CHD9: variants seen among roughly 807,000 people sequenced by gnomAD.
CHD9 encodes chromodomain helicase DNA binding protein 9.
CHD9 carries 77 observed loss-of-function variants against 316.1 expected under a neutral mutation model. The ratio of observed to expected loss-of-function variants is 0.24; its 90% CI spans 0.20 to 0.29. CHD9 has a LOEUF of 0.29. Among genes scored for constraint, CHD9 ranks in the 10% least tolerant of loss-of-function variants. The pLI, the probability that CHD9 is intolerant of heterozygous loss-of-function variation, is 1.00. For missense variants in CHD9, 2,763 were observed against 3,438.1 expected (o/e 0.80, Z 4.91); for synonymous variants, 1,129 against 1,158.3 (o/e 0.97, Z 0.51).
intron 27 of CHD9, among the ~76,000 whole-genome samples, chr16:53,289,001 G>C (rs8053033): frequency 0.31 from 47,565 of 151,212 alleles, 7,656 homozygotes; most frequent in Middle Eastern, 0.39. Context: ...ATGAAGCCCT[G>C]CATAAAATGA....
intron 25 of CHD9, 83 bp from the exon 26 acceptor site, chr16:53,286,143 C>T: frequency 7.7e-6 from 5 of 645,886 alleles, no homozygotes; most frequent in Non-Finnish European, 1.3e-5. Flanking sequence ...AAATATCATC[C>T]ACTGTAAATA....
rs560747778 is a variant in CHD9, at chr16:53,235,279, A to G, written c.2606A>G (p.Asn869Ser). The G allele has an allele frequency of 1.9e-6, 3 of 1,548,672 alleles. No individual in the cohort carries two copies. Among genetic ancestry groups the G allele is most frequent in the South Asian group, 1.2e-5 (1 of 84,036 alleles). ...QLREYQLEGL[N>S]WLLFNWYNRR... Reference sequence around the variant, plus strand: ...AGGGAATATCAACTGGAAGGACTCAACTGGCTCTTGTTCAATTGGTACAAT... The same window carrying G: ...AGGGAATATCAACTGGAAGGACTCAGCTGGCTCTTGTTCAATTGGTACAAT... The change falls in exon 11 of 39, where the codon AAC becomes AGC. Residue 869 changes from asparagine to serine, a missense_variant. By Grantham distance (46) the Asn-to-Ser change is conservative (BLOSUM62 1). Around this residue, in one of 15 missense-constraint regions of CHD9, gnomAD observed 186 missense variants for 245.0 expected, o/e 0.76. Transcript: ENST00000447540.
chr16:53,102,064 A>G (rs1171832824), intron 1 of CHD9, among the ~76,000 whole-genome samples: 1 of 152,190 alleles, frequency 6.6e-6, no homozygotes, highest in Non-Finnish European at 1.5e-5. Context: ...AGGGCTATTA[A>G]GTTTCCAGAA....
intron 3 of CHD9, among the ~76,000 whole-genome samples, chr16:53,213,591 A>G (rs540868942): frequency 6.6e-6 from 1 of 152,364 alleles, no homozygotes; most frequent in East Asian, 1.9e-4. Context: ...CTAATAGTTT[A>G]GTAATATTAG....
intron 2 of CHD9, among the ~76,000 whole-genome samples, chr16:53,204,547 T>C (rs2152857753): frequency 6.6e-6 from 1 of 152,280 alleles, no homozygotes; most frequent in South Asian, 2.1e-4. Context: ...CTCTATTTGT[T>C]TTTTTGTTTT....
intron 20 of CHD9, among the ~76,000 whole-genome samples, chr16:53,265,609 C>T (rs945169874): frequency 9.2e-5 from 14 of 151,936 alleles, no homozygotes; most frequent in Admixed American, 3.3e-4. Flanking sequence ...TTGGGAAGAG[C>T]GTTATAATCC....
At chr16:53,187,377 G>T (rs968182249) in intron 2 of CHD9, among the ~76,000 whole-genome samples, 15 of 152,064 alleles carry the variant, frequency 9.9e-5, no homozygotes, top group Non-Finnish European at 2.1e-4. Flanking sequence ...TGGGCATGGT[G>T]ACACACACCT....
intron 9 of CHD9, 49 bp downstream of exon 9, chr16:53,231,554 T>G: frequency 7.2e-7 from 1 of 1,396,976 alleles, no homozygotes; most frequent in Middle Eastern, 1.8e-4. Flanking sequence ...TCTGAAACTT[T>G]CCAAGTATTA....
chr16:53,180,415 C>T (rs748644005), intron 2 of CHD9, among the ~76,000 whole-genome samples: 3 of 152,038 alleles, frequency 2.0e-5, no homozygotes, highest in Middle Eastern at 3.4e-3. Context: ...ACAGCAAGTT[C>T]GATGCTAAGG....
chr16:53,131,017 C>G, intron 1 of CHD9: 1 of 152,772 alleles, frequency 6.5e-6, no homozygotes, highest in Non-Finnish European at 1.5e-5. Context: ...CCTCCACTCC[C>G]TCCCTGCCCC....
intron 1 of CHD9, among the ~76,000 whole-genome samples, chr16:53,055,703 C>T (rs191980448): frequency 6.6e-6 from 1 of 152,294 alleles, no homozygotes; most frequent in East Asian, 1.9e-4. Context: ...CCTCCTCCTC[C>T]TTTCTCATGT....
Position 53,231,652 on chromosome 16 carries a change from T to G in CHD9, c.2379T>G (p.Val793=). 6.3e-7 allele frequency: 1 copy of G among 1,578,548 alleles called. No homozygotes were observed. The highest frequency in any genetic ancestry group is 1.2e-5 in the South Asian group (1 of 86,488). ...FCEDKDTGEP[V]IYYLVKWCSL... The stretch of plus-strand genomic sequence containing the variant: ...ATGAAAAAATTTTTTTACAGCCTGT[T>G]ATTTACTACTTAGTAAAATGGTGCT... Residue 793 remains valine (V), a synonymous_variant, in exon 10 of 39, where the codon GTT becomes GTG. Coordinates refer to ENST00000447540, the MANE Select transcript of CHD9 (RefSeq NM_001308319.2).
In CHD9 at chr16:53,324,121, GGCCACAGCAGCAGCA is replaced by G; in HGVS notation, c.7923_7937del (p.Thr2642_Ala2646del). 4.3e-6 allele frequency: 7 copies of G among 1,614,010 alleles called. No individual in the cohort carries two copies. Among genetic ancestry groups the G allele is most frequent in the Non-Finnish European group, 5.9e-6 (7 of 1,179,890 alleles). ...GACGGCCTAAAAGTGGAATTGCAAA[GGCCACAGCAGCAGCA>G]GCTGCTGCATCTGCCACCAGTGTTT... On this transcript the variant is annotated inframe_deletion, in exon 39 of 39. Coordinates refer to ENST00000447540, the MANE Select transcript of CHD9 (RefSeq NM_001308319.2).
chr16:53,197,579 T>G (rs1054593113), intron 2 of CHD9, among the ~76,000 whole-genome samples: 1 of 152,170 alleles, frequency 6.6e-6, no homozygotes, highest in African/African-American at 2.4e-5. Flanking sequence ...AACACTTTTT[T>G]GTAGTATCTT....
chr16:53,124,070 A>G (rs2038864685), intron 1 of CHD9, among the ~76,000 whole-genome samples: 1 of 152,148 alleles, frequency 6.6e-6, no homozygotes, highest in African/African-American at 2.4e-5. Context: ...ATTTGTATGT[A>G]AGTTTTTGTA....
rs555843839 is a variant in CHD9, at chr16:53,113,876, G to A, written c.-164-42050G>A. ...TGCACCACCACGCCTGGCTATGTAT[G>A]TATGTATTTATTTAGAGATAGGAGT... On this transcript the variant is annotated intron_variant, in intron 1 of 38. Coordinates refer to ENST00000447540, the MANE Select transcript of CHD9 (RefSeq NM_001308319.2). 4.6e-5 allele frequency among the ~76,000 whole-genome samples: 7 copies of A among 152,020 alleles called. No homozygotes were observed. The South Asian group carries it at 1.5e-3, about 32-fold the overall frequency.
intron 2 of CHD9, among the ~76,000 whole-genome samples, chr16:53,168,012 G>A (rs146109954): frequency 2.0e-5 from 3 of 152,050 alleles, no homozygotes; most frequent in African/African-American, 4.8e-5. Context: ...AGGAAACATT[G>A]AGTATAATTA....
intron 33 of CHD9, 48 bp downstream of exon 33, chr16:53,308,001 C>CA (rs766300617): frequency 7.4e-6 from 11 of 1,491,150 alleles, no homozygotes; most frequent in Admixed American, 6.7e-5. Flanking sequence ...TTGCGGTGTG[C>CA]AGCATGCTTT....
intron 1 of CHD9, among the ~76,000 whole-genome samples, chr16:53,100,611 A>C (rs956677307): frequency 6.6e-6 from 1 of 152,138 alleles, no homozygotes; most frequent in East Asian, 1.9e-4. Context: ...GGCATGCACA[A>C]CCATGCCCGA....
Sources: allele counts gnomAD v4.1 joint callset (sites outside exome capture counted in the v4.1 genomes callset), GRCh38; gene constraint gnomAD v4.1.1; regional missense constraint gnomAD v4.1.1; transcripts MANE v1.5; gene names NCBI Gene and HGNC (gene_info 2026-07-23, HGNC 2026-07-21).